ZNF440: variants seen among roughly 807,000 people sequenced by gnomAD.
ZNF440 encodes the protein zinc finger protein 440.
In ZNF440, 47 loss-of-function variants were observed where a neutral mutation model predicts 49.7. The ratio of observed to expected loss-of-function variants is 0.95; its 90% CI spans 0.75 to 1.21. The LOEUF (loss-of-function observed/expected upper bound fraction) is 1.21, where lower values mean the gene tolerates loss of function less well. Ranked by LOEUF, ZNF440 falls within the 50% of genes most tolerant of loss-of-function variation. The pLI, the probability that ZNF440 is intolerant of heterozygous loss-of-function variation, is 0.00. For synonymous variants in ZNF440, 255 were observed against 237.7 expected (o/e 1.07, Z -0.67); for missense variants, 703 against 715.0 (o/e 0.98, Z 0.19).
chr19:11,834,456 A>T lies in ZNF440; in HGVS notation c.*1492A>T, dbSNP rs941382171. ...CCCTAATTTTTCATTCAGTCATAAT[A>T]CCAATAGTTATCTCATGCACCTCTG... is the stretch of plus-strand genomic sequence containing the variant. On this transcript the variant is annotated 3_prime_UTR_variant, in exon 4 of 4. Transcript: ENST00000304060. The T allele has an allele frequency of 6.6e-6, 1 of 152,164 alleles. No individual in the cohort carries two copies. The highest frequency in any genetic ancestry group is 1.5e-5 in the Non-Finnish European group (1 of 68,064). 9.4% of individuals were successfully genotyped at this position (152,164 alleles called of 1,614,324 possible).
At chr19:11,830,014 CAGG>C (rs1169963503) in intron 1 of ZNF440, 2 of 522,804 alleles carry the variant, frequency 3.8e-6, no homozygotes, top group African/African-American at 3.9e-5. Context: ...CTTAGCTACT[CAGG>C]AGGCTGAGGA....
intron 1 of ZNF440, among the ~76,000 whole-genome samples, chr19:11,815,592 A>G (rs950894306): frequency 4.6e-5 from 7 of 152,046 alleles, no homozygotes; most frequent in Non-Finnish European, 1.0e-4. Context: ...TAAAAATTAA[A>G]CTGAGGTACG....
Position 11,832,888 on chromosome 19 carries a change from T to C in ZNF440, c.1712T>C (p.Met571Thr). The C allele has an allele frequency of 1.9e-6, 3 of 1,612,978 alleles. No homozygotes were observed. Among genetic ancestry groups the C allele is most frequent in the Non-Finnish European group, 2.5e-6 (3 of 1,179,430 alleles). ...GGACACACAATGGAGAGAAGCCCTA[T>C]GCATGTAAGGAATGTGGGAAACCCT... ...VVGHTMERSP[M>T]HVRNVGNPSD... The change falls in exon 4 of 4, where the codon ATG becomes ACG. Residue 571 changes from methionine to threonine, a missense_variant. By Grantham distance (81) the Met-to-Thr change is moderately conservative (BLOSUM62 -1). Transcript: ENST00000304060.
In ZNF440 at chr19:11,832,089, A is replaced by G. The variant is rs1975951198; in HGVS notation, c.913A>G (p.Thr305Ala). 6.2e-7 allele frequency: 1 copy of G among 1,614,182 alleles called. No individual in the cohort carries two copies. Among genetic ancestry groups the G allele is most frequent in the Non-Finnish European group, 8.5e-7 (1 of 1,180,014 alleles). ...CPRYVRIHER[T>A]HSRKNLYECK... ...CCGTTATGTTCGTATACATGAAAGG[A>G]CCCACTCTAGGAAAAATCTCTATGA... is the stretch of plus-strand genomic sequence containing the variant. The change falls in exon 4 of 4, where the codon ACC becomes GCC. Residue 305 changes from threonine to alanine, a missense_variant. Coordinates refer to ENST00000304060, the MANE Select transcript of ZNF440 (RefSeq NM_152357.3).
chr19:11,814,401 T>C lies in ZNF440; in HGVS notation c.-47T>C. ...TAACCTGCACTGTGACCTACACTAGTCGCGGGAGCCACGCAGAGGACGCCG... is the reference window on the plus strand; with the variant it reads ...TAACCTGCACTGTGACCTACACTAGCCGCGGGAGCCACGCAGAGGACGCCG... On this transcript the variant is annotated 5_prime_UTR_variant, in exon 1 of 4. Coordinates refer to ENST00000304060, the MANE Select transcript of ZNF440 (RefSeq NM_152357.3). 1 of 1,556,666 alleles carries C rather than the reference T, an allele frequency of 6.4e-7. No individual in the cohort carries two copies. Among genetic ancestry groups the C allele is most frequent in the South Asian group, 1.2e-5 (1 of 84,574 alleles).
chr19:11,832,070 T>C lies in ZNF440; in HGVS notation c.894T>C (p.Tyr298=), dbSNP rs61744971. 9.1e-4 allele frequency: 1,474 copies of C among 1,614,158 alleles called. 18 individuals carry two copies. The African/African-American group carries it at 0.018, about 20-fold the overall frequency. Residue 298 remains tyrosine (Y), a synonymous_variant, in exon 4 of 4, where the codon TAT becomes TAC. Coordinates refer to ENST00000304060, the MANE Select transcript of ZNF440 (RefSeq NM_152357.3). ...ECGKAFTCPR[Y]VRIHERTHSR... ...GAAAAGCATTCACGTGTCCCCGTTATGTTCGTATACATGAAAGGACCCACT... is the reference window on the plus strand; with the variant it reads ...GAAAAGCATTCACGTGTCCCCGTTACGTTCGTATACATGAAAGGACCCACT...
Position 11,833,711 on chromosome 19 carries a change from TGAAAGGACTCA to T in ZNF440, c.*748_*758del. On this transcript the variant is annotated 3_prime_UTR_variant, in exon 4 of 4. Coordinates refer to ENST00000304060, the MANE Select transcript of ZNF440 (RefSeq NM_152357.3). ...TTTCTTCTAGTTCCCTTCAATATCA[TGAAAGGACTCA>T]CACTGGAGAGAAGCCCTATGAATAT... 1.5e-6 allele frequency: 1 copy of T among 683,590 alleles called. No individual in the cohort carries two copies. Among genetic ancestry groups the T allele is most frequent in the Non-Finnish European group, 2.3e-6 (1 of 436,286 alleles). The allele number at this position is 683,590 out of a possible 1,614,324, so 42.3% of individuals were successfully genotyped here.
rs1975707905 is a variant in ZNF440, at chr19:11,814,514, T to TGAGGCGG, written c.3+67_3+73dup. 3 of 1,425,466 alleles carry TGAGGCGG rather than the reference T, an allele frequency of 2.1e-6. No individual in the cohort carries two copies. The Admixed American group carries it at 8.4e-5, about 40-fold the overall frequency. The allele number at this position is 1,425,466 out of a possible 1,614,324, so 88.3% of individuals were successfully genotyped here. ...GGGGCTGGAATCGGCCGGAACCGGC[T>TGAGGCGG]GAGGCGGGACCCGGGCCTCCACGCG... On this transcript the variant is annotated intron_variant, in intron 1 of 3. Coordinates refer to ENST00000304060, the MANE Select transcript of ZNF440 (RefSeq NM_152357.3).
Position 11,831,357 on chromosome 19 carries a change from A to G in ZNF440, c.192-11A>G. 6.3e-7 allele frequency: 1 copy of G among 1,597,748 alleles called. No individual in the cohort carries two copies. Among genetic ancestry groups the G allele is most frequent in the Non-Finnish European group, 8.5e-7 (1 of 1,176,218 alleles). On this transcript the variant is annotated splice_polypyrimidine_tract_variant and intron_variant, in intron 3 of 3. Transcript: ENST00000304060. ...ACAAACCCTTCATAATATGCTTCTC[A>G]TTTTTGACAGGAGTCTCATAGAAGA...
At chr19:11,827,310 G>A (rs2685664) in intron 1 of ZNF440, among the ~76,000 whole-genome samples, 57,322 of 151,598 alleles carry the variant, frequency 0.38, 11,208 homozygotes, top group African/African-American at 0.46. Flanking sequence ...TGATCCACCC[G>A]TCTCTGCCTC....
rs376148450 is a variant in ZNF440 at position 11,832,132 on chromosome 19, A to G, written c.956A>G (p.Lys319Arg). 1.9e-6 allele frequency: 3 copies of G among 1,614,112 alleles called. No homozygotes were observed. Among genetic ancestry groups the G allele is most frequent in the African/African-American group, 2.7e-5 (2 of 74,956 alleles). ...KNLYECKQCG[K>R]ALSSLTSFQT... Reference sequence around the variant, plus strand: ...CTCTATGAATGTAAGCAGTGTGGGAAAGCATTATCCTCTCTTACAAGTTTT... The same window carrying G: ...CTCTATGAATGTAAGCAGTGTGGGAGAGCATTATCCTCTCTTACAAGTTTT... Residue 319 changes from lysine to arginine, a missense_variant, in exon 4 of 4, where the codon AAA (lysine) becomes AGA (arginine). Transcript: ENST00000304060.
chr19:11,822,160 T>G (rs1975807895), intron 1 of ZNF440, among the ~76,000 whole-genome samples: 1 of 152,172 alleles, frequency 6.6e-6, no homozygotes, highest in Non-Finnish European at 1.5e-5. Flanking sequence ...GGTGTAAGGG[T>G]CAGTGGTACA....
At chr19:11,815,256 A>G (rs1471993377) in intron 1 of ZNF440, among the ~76,000 whole-genome samples, 1 of 144,404 alleles carries the variant, frequency 6.9e-6, no homozygotes, top group African/African-American at 2.6e-5. Flanking sequence ...CAGCCTGGGC[A>G]ACAGAGCGAG....
rs1241406249 is a variant in ZNF440 at position 11,833,936 on chromosome 19, C to CT, written c.*977dup. The CT allele has an allele frequency of 1.7e-5, 5 of 285,742 alleles. No homozygotes were observed. Among genetic ancestry groups the CT allele is most frequent in the Non-Finnish European group, 2.7e-5 (4 of 147,142 alleles). 17.7% of individuals were successfully genotyped at this position (285,742 alleles called of 1,614,324 possible). A position where few individuals can be genotyped will look rare whatever the true frequency, so the allele number is the denominator to read the frequency against. Reference sequence around the variant, plus strand: ...TAACTGTATACTAACAAATGATATTCTTTTTAAATAAGAAGCTATAATATC... The same window carrying CT: ...TAACTGTATACTAACAAATGATATTCTTTTTTAAATAAGAAGCTATAATATC... On this transcript the variant is annotated 3_prime_UTR_variant, in exon 4 of 4. Coordinates refer to ENST00000304060, the MANE Select transcript of ZNF440 (RefSeq NM_152357.3).
rs1297690961 is a variant in ZNF440, at chr19:11,827,042, G to A, written c.4-3241G>A. Among the ~76,000 whole-genome samples the A allele has an allele frequency of 4.0e-5, 6 of 151,362 alleles. No individual in the cohort carries two copies. The South Asian group carries it at 6.2e-4, about 16-fold the overall frequency. On this transcript the variant is annotated intron_variant, in intron 1 of 3. Coordinates refer to ENST00000304060, the MANE Select transcript of ZNF440 (RefSeq NM_152357.3). ...GTTTGCCATAATTACATTCTTTAGCGGGAGGTATACTTGGAAAGATTGGGC... is the reference window on the plus strand; with the variant it reads ...GTTTGCCATAATTACATTCTTTAGCAGGAGGTATACTTGGAAAGATTGGGC...
At position 11,814,273 on chromosome 19, in the gene ZNF440, G is replaced by T. The variant is rs140254752; in HGVS notation, c.-175G>T. The T allele has an allele frequency of 4.5e-5, 26 of 575,398 alleles. No individual in the cohort carries two copies. Among genetic ancestry groups the T allele is most frequent in the Non-Finnish European group, 6.2e-5 (23 of 369,378 alleles). The allele number at this position is 575,398 out of a possible 1,614,324, so 35.6% of individuals were successfully genotyped here. ...TCCGGGGAAGGGGGAAGGGACAGTC[G>T]CCCTCCGTCCATTCCTTTAGTGCTG... On this transcript the variant is annotated 5_prime_UTR_variant, in exon 1 of 4. Coordinates refer to ENST00000304060, the MANE Select transcript of ZNF440 (RefSeq NM_152357.3).
intron 1 of ZNF440, among the ~76,000 whole-genome samples, chr19:11,824,221 A>G (rs1975835197): frequency 6.6e-6 from 1 of 151,772 alleles, no homozygotes; most frequent in Non-Finnish European, 1.5e-5. Context: ...AGAAAAAAGA[A>G]AAAAATTAGT....
At position 11,831,587 on chromosome 19, in the gene ZNF440, G is replaced by A. The variant is rs1975939429; in HGVS notation, c.411G>A (p.Gln137=). ...TTGGACACAAGGCATATGAGTATCA[G>A]GAATATGGACCAAAGCCATGTAAGT... ...GDIGHKAYEY[Q]EYGPKPCKCQ... is the part of the protein sequence containing the mutation. The change falls in exon 4 of 4, where the codon CAG becomes CAA. Residue 137 remains glutamine, a synonymous_variant. Transcript: ENST00000304060. The A allele has an allele frequency of 6.2e-7, 1 of 1,613,958 alleles. No individual in the cohort carries two copies. Among genetic ancestry groups the A allele is most frequent in the Non-Finnish European group, 8.5e-7 (1 of 1,180,024 alleles).
At chr19:11,827,960 T>C (rs970591631) in intron 1 of ZNF440, among the ~76,000 whole-genome samples, 5 of 152,190 alleles carry the variant, frequency 3.3e-5, no homozygotes, top group Non-Finnish European at 7.3e-5. Context: ...TCTTCTCTTA[T>C]ATATTTAGTT....
Sources: gnomAD v4.1 joint callset for allele counts (sites outside exome capture counted in the v4.1 genomes callset) on GRCh38, gnomAD v4.1.1 for gene constraint, MANE v1.5 for transcripts, NCBI Gene and HGNC (gene_info 2026-07-23, HGNC 2026-07-21) for gene names.